NF1: variants seen among roughly 807,000 people sequenced by gnomAD.
NF1 encodes neurofibromin 1.
A neutral mutation model predicts 325.7 loss-of-function variants in NF1; 122 were observed. The observed-to-expected ratio is 0.37, with a 90% CI of 0.32 to 0.44. NF1 has a LOEUF of 0.44. Among genes scored for constraint, NF1 ranks in the 20% least tolerant of loss-of-function variants. NF1 has a pLI of 1.00. For missense variants in NF1, 2,140 were observed against 3,415.4 expected (o/e 0.63, Z 9.31); for synonymous variants, 1,091 against 1,186.0 (o/e 0.92, Z 1.65).
At chr17:31,195,246 A>G (rs753509854) in intron 8 of NF1, among the ~76,000 whole-genome samples, 6 of 152,132 alleles carry the variant, frequency 3.9e-5, no homozygotes, top group Non-Finnish European at 5.9e-5. Context: ...TTCCTAAGTC[A>G]AGTACTGCTA....
At chr17:31,149,627 ATACAG>A (rs1186700869) in intron 1 of NF1, among the ~76,000 whole-genome samples, 2 of 152,202 alleles carry the variant, frequency 1.3e-5, no homozygotes, top group Admixed American at 1.3e-4. Context: ...ATTAGATTGT[ATACAG>A]TTTTGAGGGG....
At chr17:31,194,316 A>G (rs1288928677) in intron 8 of NF1, among the ~76,000 whole-genome samples, 1 of 152,110 alleles carries the variant, frequency 6.6e-6, no homozygotes, top group African/African-American at 2.4e-5. Context: ...GTTCTCATTC[A>G]TATGTGGAAG....
At chr17:31,313,578 C>T (rs759375768) in intron 36 of NF1, among the ~76,000 whole-genome samples, 6 of 151,570 alleles carry the variant, frequency 4.0e-5, no homozygotes, top group Non-Finnish European at 8.8e-5. Context: ...TGGTGGTGGG[C>T]GCCTGTAATC....
intron 1 of NF1, among the ~76,000 whole-genome samples, chr17:31,152,518 A>T (rs1917017942): frequency 7.4e-6 from 1 of 135,872 alleles, no homozygotes; most frequent in Non-Finnish European, 1.6e-5. Context: ...TTTCTTTTTT[A>T]TATTACAACT....
chr17:31,306,697 G>C (rs1174226903), intron 36 of NF1, among the ~76,000 whole-genome samples: 1 of 151,908 alleles, frequency 6.6e-6, no homozygotes, highest in Non-Finnish European at 1.5e-5. Flanking sequence ...ATCTGGTGGA[G>C]TAAATTCAAT....
At position 31,260,323 on chromosome 17, in the gene NF1, G is replaced by C. The variant is rs17881285; in HGVS notation, c.4431-46G>C. 102,410 of 1,584,532 alleles carry C rather than the reference G, an allele frequency of 0.065. 3,718 individuals are homozygous for C. The highest frequency in any genetic ancestry group is 0.073 in the Non-Finnish European group (84,531 of 1,155,202). Reference sequence around the variant, plus strand: ...ATAAATTTAATTCAAACATAAGTCTGGGTGTATCTGGTGTTGAAAATTCTA... The same window carrying C: ...ATAAATTTAATTCAAACATAAGTCTCGGTGTATCTGGTGTTGAAAATTCTA... On this transcript the variant is annotated intron_variant, in intron 33 of 57. Coordinates refer to ENST00000358273, the MANE Select transcript of NF1 (RefSeq NM_001042492.3).
intron 36 of NF1, among the ~76,000 whole-genome samples, chr17:31,267,012 A>G (rs535963919): frequency 6.6e-6 from 1 of 151,580 alleles, no homozygotes; most frequent in African/African-American, 2.4e-5. Context: ...GCTCACTGCA[A>G]CCTCCACCTC....
chr17:31,128,926 CAA>C (rs35947890), intron 1 of NF1, among the ~76,000 whole-genome samples: 2 of 140,440 alleles, frequency 1.4e-5, no homozygotes. Context: ...GACTCCGTCT[CAA>C]AAAAAAAAAA....
intron 1 of NF1, among the ~76,000 whole-genome samples, chr17:31,147,960 A>G (rs1204929253): frequency 6.6e-6 from 1 of 152,198 alleles, no homozygotes; most frequent in African/African-American, 2.4e-5. Context: ...ATTGCCTGGG[A>G]AAAAAGCCTT....
intron 38 of NF1, among the ~76,000 whole-genome samples, chr17:31,329,703 T>C (rs1422611421): frequency 1.3e-5 from 2 of 152,296 alleles, no homozygotes; most frequent in African/African-American, 2.4e-5. Flanking sequence ...AATGAGGTCA[T>C]AGAGGGAAAA....
At chr17:31,190,418 T>G (rs2066322911) in intron 8 of NF1, among the ~76,000 whole-genome samples, 1 of 152,216 alleles carries the variant, frequency 6.6e-6, no homozygotes, top group South Asian at 2.1e-4. Context: ...TGGTGGTGGT[T>G]GTATTTTAAA....
chr17:31,209,005 G>T (rs1280514959), intron 12 of NF1, among the ~76,000 whole-genome samples: 1 of 152,180 alleles, frequency 6.6e-6, no homozygotes, highest in Non-Finnish European at 1.5e-5. Flanking sequence ...GTTTCCTACT[G>T]TTGGCACTAT....
At chr17:31,283,325 G>C (rs1169831156) in intron 36 of NF1, among the ~76,000 whole-genome samples, 1 of 151,940 alleles carries the variant, frequency 6.6e-6, no homozygotes, top group Non-Finnish European at 1.5e-5. Flanking sequence ...GCTGAGGCAG[G>C]AGAATGGCGT....
At chr17:31,108,339 A>G (rs1913076951) in intron 1 of NF1, among the ~76,000 whole-genome samples, 1 of 127,624 alleles carries the variant, frequency 7.8e-6, no homozygotes, top group Admixed American at 9.5e-5. Flanking sequence ...TAATGGCACG[A>G]TCTTGGCTCA....
At chr17:31,234,916 T>G (rs1440284663) in intron 27 of NF1, among the ~76,000 whole-genome samples, 1 of 152,088 alleles carries the variant, frequency 6.6e-6, no homozygotes, top group Non-Finnish European at 1.5e-5. Context: ...AATTTCTTCT[T>G]ATCATGTGAT....
chr17:31,277,195 G>C (rs1357657854), intron 36 of NF1, among the ~76,000 whole-genome samples: 3 of 152,126 alleles, frequency 2.0e-5, no homozygotes. Flanking sequence ...CTGTCCCCGG[G>C]CTGGCAGAGG....
chr17:31,351,304 C>T (rs1471257491), intron 50 of NF1, among the ~76,000 whole-genome samples: 3 of 152,044 alleles, frequency 2.0e-5, no homozygotes, highest in Non-Finnish European at 2.9e-5. Context: ...AAAATAGCTA[C>T]GAGTAGATTT....
In NF1 at chr17:31,225,153, C is replaced by T. The variant is rs1597710514; in HGVS notation, c.1904C>T (p.Pro635Leu). The T allele has an allele frequency of 1.2e-6, 2 of 1,613,536 alleles. No individual in the cohort carries two copies. The highest frequency in any genetic ancestry group is 1.7e-5 in the Admixed American group (1 of 59,974). ...LLFYGVGCDIPSSGNTSQMSM... is the reference protein window; with the variant it reads ...LLFYGVGCDILSSGNTSQMSM... ...TTTTACGGGGTAGGATGTGATATTC[C>T]TTCTAGTGGAAATACCAGTCAAATG... The change falls in exon 17 of 58, where the codon CCT becomes CTT. Residue 635 changes from proline (P) to leucine (L), a missense_variant. Around this residue, in one of 10 missense-constraint regions of NF1, gnomAD observed 45 missense variants for 42.5 expected, o/e 1.06. Transcript: ENST00000358273.
chr17:31,322,344 G>T (rs2069223805), intron 36 of NF1, among the ~76,000 whole-genome samples: 1 of 151,226 alleles, frequency 6.6e-6, no homozygotes, highest in African/African-American at 2.4e-5. Context: ...ACCAGGCAGG[G>T]TAGCATGCAC....
Sources: gnomAD v4.1 joint callset for allele counts (sites outside exome capture counted in the v4.1 genomes callset) on GRCh38, gnomAD v4.1.1 for gene constraint, gnomAD v4.1.1 regional missense constraint, MANE v1.5 for transcripts, NCBI Gene and HGNC (gene_info 2026-07-23, HGNC 2026-07-21) for gene names.